CCDC190: variants seen among roughly 807,000 people sequenced by gnomAD.
CCDC190 encodes coiled-coil domain-containing protein 190.
In CCDC190, 10 loss-of-function variants were observed where a neutral mutation model predicts 13.1. That is an observed-to-expected ratio of 0.77 (90% CI 0.47 to 1.30). CCDC190 has a LOEUF of 1.30. Ranked by LOEUF, CCDC190 falls within the 50% of genes most tolerant of loss-of-function variation. The pLI is 0.00. For missense variants in CCDC190, 375 were observed against 354.3 expected, an observed-to-expected ratio of 1.06 and a Z score of -0.47; for synonymous variants, 136 against 127.2, an observed-to-expected ratio of 1.07 and a Z score of -0.47.
chr1:162,865,775 C>A (rs555962572), upstream of CCDC190, among the ~76,000 whole-genome samples: 1 of 152,232 alleles, frequency 6.6e-6, no homozygotes, highest in Non-Finnish European at 1.5e-5. Context: ...TAATTAGCAT[C>A]TATAATAAAC....
intron 2 of CCDC190, among the ~76,000 whole-genome samples, chr1:162,858,131 C>T (rs1332691947): frequency 2.0e-5 from 3 of 152,162 alleles, no homozygotes; most frequent in Non-Finnish European, 4.4e-5. Flanking sequence ...CTTCCTGTAT[C>T]CCTGATTTTA....
intron 1 of CCDC190, among the ~76,000 whole-genome samples, chr1:162,866,602 C>A (rs1169517811): frequency 1.3e-5 from 2 of 151,758 alleles, no homozygotes; most frequent in South Asian, 2.1e-4. Flanking sequence ...CTCTAAAATT[C>A]AAGTGGTAAT....
chr1:162,859,963 G>C (rs1165192875), intron 1 of CCDC190, among the ~76,000 whole-genome samples: 1 of 121,316 alleles, frequency 8.2e-6, no homozygotes, highest in African/African-American at 3.1e-5. Flanking sequence ...CAACTCTTTG[G>C]AAAAAAAAAA....
chr1:162,865,251 A>G (rs2102265999), upstream of CCDC190, among the ~76,000 whole-genome samples: 1 of 152,280 alleles, frequency 6.6e-6, no homozygotes, highest in African/African-American at 2.4e-5. Context: ...GCAAAAACGA[A>G]TAGAATTACA....
At chr1:162,858,516 G>C (rs544780169) in intron 2 of CCDC190, among the ~76,000 whole-genome samples, 79 of 152,304 alleles carry the variant, frequency 5.2e-4, no homozygotes, top group Middle Eastern at 3.4e-3. Flanking sequence ...AGAATTCCCA[G>C]CCTAGACATT....
chr1:162,856,853 T>G (rs976688534), intron 2 of CCDC190, among the ~76,000 whole-genome samples: 1 of 152,178 alleles, frequency 6.6e-6, no homozygotes, highest in Non-Finnish European at 1.5e-5. Context: ...TTGGGGTCTT[T>G]TGTGGGGGTT....
In CCDC190 at chr1:162,852,085, A is replaced by G. The variant is rs1650128281; in HGVS notation, c.*2680T>C. ...GTCTCAGAAGGTTCTGTGAATATTT[A>G]ATGTAATGGCACAGGGTGGAGTTTC... On this transcript the variant is annotated 3_prime_UTR_variant, in exon 4 of 4. Transcript: ENST00000367912. The G allele has an allele frequency of 6.6e-6, 1 of 152,210 alleles. No individual in the cohort carries two copies. The allele number at this position is 152,210 out of a possible 1,614,324, so 9.4% of individuals were successfully genotyped here. A position where few individuals can be genotyped will look rare whatever the true frequency, so the allele number is the denominator to read the frequency against.
chr1:162,868,399 T>A (rs1052168892), intron 1 of CCDC190, among the ~76,000 whole-genome samples: 1 of 128,620 alleles, frequency 7.8e-6, no homozygotes, highest in Non-Finnish European at 1.7e-5. Context: ...GTAAAGACAT[T>A]AACATTATAC....
chr1:162,858,871 A>C (rs996159133), intron 2 of CCDC190, among the ~76,000 whole-genome samples: 7 of 151,764 alleles, frequency 4.6e-5, no homozygotes, highest in Non-Finnish European at 1.0e-4. Flanking sequence ...CTTATATAGC[A>C]CTTACTTTAT....
chr1:162,855,532 G>A, intron 3 of CCDC190, 100 bp downstream of exon 3: 1 of 1,534,242 alleles, frequency 6.5e-7, no homozygotes, highest in Non-Finnish European at 8.8e-7. Context: ...TCTCACTTAA[G>A]AAGTGGAACG....
upstream of CCDC190, among the ~76,000 whole-genome samples, chr1:162,861,468 C>A (rs536362950): frequency 1.8e-4 from 28 of 152,106 alleles, no homozygotes; most frequent in South Asian, 4.6e-3. Flanking sequence ...GTCATACCTC[C>A]CTTCCCTAAC....
At chr1:162,855,567 T>C (rs1650271908) in intron 3 of CCDC190, 65 bp downstream of exon 3, 1 of 1,589,888 alleles carries the variant, frequency 6.3e-7, no homozygotes, top group African/African-American at 1.4e-5. Context: ...GAAAACAGTT[T>C]AAAGAGGTCA....
rs16845994 is a variant in CCDC190 at position 162,857,832 on chromosome 1, C to T, written c.187+1628G>A. ...GGGCACCTTGAGGGCAGAGACCATG[C>T]TTTTTCATATTTGCATTCCAGACTC... On this transcript the variant is annotated intron_variant, in intron 2 of 3. Coordinates refer to ENST00000367912, the MANE Select transcript of CCDC190 (RefSeq NM_001394065.1). Among the ~76,000 whole-genome samples the T allele has an allele frequency of 9.9e-5, 15 of 152,156 alleles. No individual in the cohort carries two copies. The East Asian group carries it at 2.9e-3, about 29-fold the overall frequency.
intron 2 of CCDC190, among the ~76,000 whole-genome samples, chr1:162,859,229 T>C (rs1650413599): frequency 6.6e-6 from 1 of 152,232 alleles, no homozygotes; most frequent in African/African-American, 2.4e-5. Context: ...TGGCAGTGAC[T>C]GGAAGCCTGA....
At position 162,851,424 on chromosome 1, in the gene CCDC190, C is replaced by T. The variant is rs1404534091; in HGVS notation, c.*3341G>A. The T allele has an allele frequency of 6.6e-6, 1 of 150,928 alleles. No homozygotes were observed. The highest frequency in any genetic ancestry group is 1.5e-5 in the Non-Finnish European group (1 of 67,950). The allele number at this position is 150,928 out of a possible 1,614,324, so 9.3% of individuals were successfully genotyped here. A position where few individuals can be genotyped will look rare whatever the true frequency, so the allele number is the denominator to read the frequency against. On this transcript the variant is annotated 3_prime_UTR_variant, in exon 4 of 4. Coordinates refer to ENST00000367912, the MANE Select transcript of CCDC190 (RefSeq NM_001394065.1). ...GTACTCTTGGTGTGAGGGCAAAACA[C>T]TTGCCCAAGCGTGATTCCCTCTGTC...
In CCDC190 at chr1:162,852,521, AATG is replaced by A. The variant is rs1306597258; in HGVS notation, c.*2241_*2243del. 2 of 152,818 alleles carry A rather than the reference AATG, an allele frequency of 1.3e-5. No individual in the cohort carries two copies. Among genetic ancestry groups the A allele is most frequent in the Non-Finnish European group, 2.9e-5 (2 of 68,458 alleles). 9.5% of individuals were successfully genotyped at this position (152,818 alleles called of 1,614,324 possible). A position where few individuals can be genotyped will look rare whatever the true frequency, so the allele number is the denominator to read the frequency against. On this transcript the variant is annotated 3_prime_UTR_variant, in exon 4 of 4. Transcript: ENST00000367912. ...CGAAGAAGGCAAATGTATTAGACTA[AATG>A]ATAAGAAGATAAAATCTAGGTGGTT...
At chr1:162,864,938 A>G (rs1295566843), upstream of CCDC190, among the ~76,000 whole-genome samples, 1 of 152,106 alleles carries the variant, frequency 6.6e-6, no homozygotes, top group Non-Finnish European at 1.5e-5. Context: ...GTACCCCATT[A>G]AAAGGCAGAG....
chr1:162,866,211 A>G (rs1309220573), intron 1 of CCDC190, among the ~76,000 whole-genome samples: 1 of 152,208 alleles, frequency 6.6e-6, no homozygotes, highest in African/African-American at 2.4e-5. Flanking sequence ...CTGTAATCCC[A>G]CCACTTTGGG....
intron 1 of CCDC190, among the ~76,000 whole-genome samples, chr1:162,868,129 T>A (rs1452939396): frequency 6.6e-6 from 1 of 152,134 alleles, no homozygotes; most frequent in Non-Finnish European, 1.5e-5. Context: ...TTCAGGCAAG[T>A]AAACAAAAAA....
Sources: gnomAD v4.1 joint callset for allele counts (sites outside exome capture counted in the v4.1 genomes callset) on GRCh38, gnomAD v4.1.1 for gene constraint, MANE v1.5 for transcripts, NCBI Gene and HGNC (gene_info 2026-07-23, HGNC 2026-07-21) for gene names.